RXRA: variants seen among roughly 807,000 people sequenced by gnomAD.
RXRA encodes the protein retinoid X receptor alpha, also known as retinoic acid receptor RXR-alpha.
A neutral mutation model predicts 44.5 loss-of-function variants in RXRA; 5 were observed. That is an observed-to-expected ratio of 0.11 (90% CI 0.06 to 0.24). RXRA has a LOEUF of 0.24. Among genes scored for constraint, RXRA ranks in the 10% least tolerant of loss-of-function variants. The pLI, the probability that RXRA is intolerant of heterozygous loss-of-function variation, is 1.00. For synonymous variants in RXRA, 291 were observed against 271.4 expected, an observed-to-expected ratio of 1.07 and a Z score of -0.71; for missense variants, 412 against 646.5, an observed-to-expected ratio of 0.64 and a Z score of 3.93.
intron 1 of RXRA, among the ~76,000 whole-genome samples, chr9:134,374,591 C>T (rs563372396): frequency 6.6e-6 from 1 of 152,366 alleles, no homozygotes; most frequent in South Asian, 2.1e-4. Context: ...CCCACAACCT[C>T]CACATGTTGA....
Position 134,349,878 on chromosome 9 carries a change from A to G in RXRA, c.28+23219A>G, listed in dbSNP as rs1830200293. Reference sequence around the variant, plus strand: ...GGTAGGAGTCGGGTGGACAGTTTGCACGATCTCATCCTGCCTGTGACACCT... The same window carrying G: ...GGTAGGAGTCGGGTGGACAGTTTGCGCGATCTCATCCTGCCTGTGACACCT... On this transcript the variant is annotated intron_variant, in intron 1 of 9. Coordinates refer to ENST00000481739, the MANE Select transcript of RXRA (RefSeq NM_002957.6). This position sits in a 1 kb window ranked among gnomAD's most constrained non-coding sequence, Gnocchi z 4.3. Among the ~76,000 whole-genome samples the G allele has an allele frequency of 6.6e-6, 1 of 152,084 alleles. No individual in the cohort carries two copies. The highest frequency in any genetic ancestry group is 1.5e-5 in the Non-Finnish European group (1 of 68,008).
chr9:134,393,469 G>A (rs533519613), intron 1 of RXRA, among the ~76,000 whole-genome samples: 74 of 152,332 alleles, frequency 4.9e-4, no homozygotes, highest in African/African-American at 1.8e-3. Context: ...GCCCCTTAGC[G>A]CCTGGGGCAT....
rs1831336167 is a variant in RXRA at position 134,421,824 on chromosome 9, G to T, written c.910+19G>T. 1 of 1,612,108 alleles carries T rather than the reference G, an allele frequency of 6.2e-7. No homozygotes were observed. The highest frequency in any genetic ancestry group is 8.5e-7 in the Non-Finnish European group (1 of 1,179,436). ...CGGGCAGGTGAGTGGCGAGGCCTAG[G>T]TGGGGATGGGGATGCCATGCAGATG... On this transcript the variant is annotated intron_variant, in intron 6 of 9. Coordinates refer to ENST00000481739, the MANE Select transcript of RXRA (RefSeq NM_002957.6).
chr9:134,388,266 GT>G (rs1830750301), intron 1 of RXRA, among the ~76,000 whole-genome samples: 1 of 49,656 alleles, frequency 2.0e-5, no homozygotes, highest in Admixed American at 1.7e-4. Flanking sequence ...TGTCTTTGGT[GT>G]TCTCAGCTAG....
intron 1 of RXRA, among the ~76,000 whole-genome samples, chr9:134,372,608 A>T (rs1428918448): frequency 6.6e-6 from 1 of 152,092 alleles, no homozygotes; most frequent in Admixed American, 6.5e-5. Context: ...GGTGGGTGTT[A>T]TTAGGCTTAG....
chr9:134,388,374 C>T (rs1207004341), intron 1 of RXRA, among the ~76,000 whole-genome samples: 1 of 152,038 alleles, frequency 6.6e-6, no homozygotes, highest in Non-Finnish European at 1.5e-5. Context: ...GCACTCTGAG[C>T]GTCTCCTGAA....
At chr9:134,390,513 C>A (rs547881513) in intron 1 of RXRA, among the ~76,000 whole-genome samples, 1 of 152,296 alleles carries the variant, frequency 6.6e-6, no homozygotes. Context: ...GCGCCTGTGG[C>A]CACGGGGTGG....
rs1447226046 is a variant in RXRA, at chr9:134,403,759, C to T, written c.279+1877C>T. 4.6e-5 allele frequency: 7 copies of T among 152,640 alleles called. No individual in the cohort carries two copies. The East Asian group carries it at 1.3e-3, about 29-fold the overall frequency. The allele number at this position is 152,640 out of a possible 1,614,324, so 9.5% of individuals were successfully genotyped here. On this transcript the variant is annotated intron_variant, in intron 2 of 9. Transcript: ENST00000481739. ...CTGTTGCTTCCTGTGCAGCCAGGCT[C>T]CTGGCACAAAGTAGGGACTTGTTGA... is the stretch of plus-strand genomic sequence containing the variant.
chr9:134,395,079 C>T (rs1019798143), intron 1 of RXRA, among the ~76,000 whole-genome samples: 7 of 152,226 alleles, frequency 4.6e-5, no homozygotes, highest in Non-Finnish European at 1.0e-4. Flanking sequence ...CCTGGCCTGG[C>T]TGGGCTCTGT....
intron 4 of RXRA, among the ~76,000 whole-genome samples, chr9:134,413,840 T>A (rs1831190887): frequency 6.6e-6 from 1 of 152,124 alleles, no homozygotes; most frequent in South Asian, 2.1e-4. Flanking sequence ...CCAGTGATGC[T>A]GGGGAGGGTC....
At chr9:134,363,374 G>A (rs183637831) in intron 1 of RXRA, among the ~76,000 whole-genome samples, 35 of 152,346 alleles carry the variant, frequency 2.3e-4, no homozygotes, top group Admixed American at 2.0e-3. Flanking sequence ...CCTGAGCAGC[G>A]GGAGGTGGGA....
At chr9:134,350,891 A>T (rs1055887040) in intron 1 of RXRA, among the ~76,000 whole-genome samples, 1 of 152,100 alleles carries the variant, frequency 6.6e-6, no homozygotes, top group Non-Finnish European at 1.5e-5. Context: ...CCTCATCTGT[A>T]CCCAGGGCCA....
chr9:134,375,427 AG>A (rs36074683), intron 1 of RXRA, among the ~76,000 whole-genome samples: 1 of 152,074 alleles, frequency 6.6e-6, no homozygotes, highest in Non-Finnish European at 1.5e-5. Context: ...AGGGCAGCCG[AG>A]GGCTCCCGGG....
At chr9:134,399,938 C>T (rs1469921564) in intron 1 of RXRA, among the ~76,000 whole-genome samples, 1 of 152,200 alleles carries the variant, frequency 6.6e-6, no homozygotes, top group South Asian at 2.1e-4. Flanking sequence ...GTGGAGCAGG[C>T]CTGAGGCTGC....
intron 4 of RXRA, among the ~76,000 whole-genome samples, chr9:134,410,863 G>A (rs980940283): frequency 6.6e-6 from 1 of 152,242 alleles, no homozygotes; most frequent in African/African-American, 2.4e-5. Flanking sequence ...GTGCATGGCT[G>A]ATGCCTGGCC....
At chr9:134,337,388 T>C (rs1554747473) in intron 1 of RXRA, among the ~76,000 whole-genome samples, 2 of 152,214 alleles carry the variant, frequency 1.3e-5, no homozygotes, top group African/African-American at 4.8e-5. Flanking sequence ...AGAGCCAGGC[T>C]TAGCCCTCAA....
intron 1 of RXRA, 73 bp from the exon 2 acceptor site, chr9:134,401,559 G>T: frequency 1.3e-6 from 2 of 1,598,990 alleles, no homozygotes; most frequent in Admixed American, 1.7e-5. Flanking sequence ...ATCTGTAGCT[G>T]GGGGGAGCAG....
At chr9:134,397,122 C>T (rs905424807) in intron 1 of RXRA, among the ~76,000 whole-genome samples, 10 of 152,302 alleles carry the variant, frequency 6.6e-5, no homozygotes, top group South Asian at 2.1e-4. Context: ...CACTGGTGAG[C>T]GTTCTGGAGG....
intron 6 of RXRA, chr9:134,425,953 C>T (rs1278989667): frequency 8.1e-6 from 8 of 985,378 alleles, no homozygotes; most frequent in Non-Finnish European, 9.6e-6. Context: ...CAGGTTGGAG[C>T]CCGAGGCCCC....
Sources: gnomAD v4.1 joint callset for allele counts (sites outside exome capture counted in the v4.1 genomes callset) on GRCh38, gnomAD v4.1.1 for gene constraint, Gnocchi (gnomAD v3.1) non-coding constraint, MANE v1.5 for transcripts, NCBI Gene and HGNC (gene_info 2026-07-23, HGNC 2026-07-21) for gene names.